Variants in EIF4E3 observed in about 807,000 individuals in gnomAD.
EIF4E3 encodes eukaryotic translation initiation factor 4E family member 3.
In EIF4E3, 26 loss-of-function variants were observed where a neutral mutation model predicts 31.7. That is an observed-to-expected ratio of 0.82 (90% CI 0.60 to 1.14). The LOEUF (loss-of-function observed/expected upper bound fraction) is 1.14, where lower values mean the gene tolerates loss of function less well. Ranked by LOEUF, EIF4E3 falls within the 50% of genes most tolerant of loss-of-function variation. The pLI is 0.00. For synonymous variants in EIF4E3, 128 were observed against 107.7 expected (o/e 1.19, Z -1.17); for missense variants, 304 against 270.9 (o/e 1.12, Z -0.86).
chr3:71,724,182 T>C (rs1230692394), intron 1 of EIF4E3, among the ~76,000 whole-genome samples: 1 of 152,170 alleles, frequency 6.6e-6, no homozygotes, highest in Non-Finnish European at 1.5e-5. Flanking sequence ...GGTGTCATCA[T>C]TGGGCACCCA....
chr3:71,722,585 T>G (rs1412506335), intron 1 of EIF4E3, among the ~76,000 whole-genome samples: 3 of 152,224 alleles, frequency 2.0e-5, no homozygotes, highest in African/African-American at 7.2e-5. Context: ...AAAATTACCT[T>G]CCTCAAATGC....
the EIF4E3 span, among the ~76,000 whole-genome samples, chr3:71,667,081 A>T: frequency 6.6e-6 from 1 of 152,244 alleles, no homozygotes; most frequent in African/African-American, 2.4e-5. Context: ...CATCCCTGGG[A>T]TGCAAGGCTG....
chr3:71,711,103 A>G (rs1178723657), intron 1 of EIF4E3, among the ~76,000 whole-genome samples: 1 of 152,216 alleles, frequency 6.6e-6, no homozygotes, highest in Non-Finnish European at 1.5e-5. Context: ...TTAGTTTGCT[A>G]TGTGTTCCAC....
At chr3:71,694,047 C>G in intron 4 of EIF4E3, 106 bp from the exon 5 acceptor site, 1 of 1,110,206 alleles carries the variant, frequency 9.0e-7, no homozygotes, top group Non-Finnish European at 1.2e-6. Context: ...TTCACATGCA[C>G]TTTCTGTGCC....
intron 2 of EIF4E3, among the ~76,000 whole-genome samples, chr3:71,705,171 T>C (rs1165523710): frequency 6.6e-6 from 1 of 152,194 alleles, no homozygotes; most frequent in Non-Finnish European, 1.5e-5. Context: ...CACCATGGGC[T>C]GTCTTGCTGT....
At chr3:71,750,288 T>A (rs781536219) in intron 1 of EIF4E3, among the ~76,000 whole-genome samples, 1 of 152,052 alleles carries the variant, frequency 6.6e-6, no homozygotes, top group Non-Finnish European at 1.5e-5. Context: ...AATGGACACA[T>A]TTGAGATTCC....
intron 6 of EIF4E3, among the ~76,000 whole-genome samples, chr3:71,684,975 C>T (rs987745941): frequency 2.0e-5 from 3 of 152,136 alleles, no homozygotes; most frequent in African/African-American, 7.2e-5. Flanking sequence ...TTTCTTCTTG[C>T]TGTGCCTGGG....
At position 71,725,398 on chromosome 3, in the gene EIF4E3, C is replaced by T. The variant is rs2108124725; in HGVS notation, c.-31G>A. 2.0e-6 allele frequency: 2 copies of T among 977,454 alleles called. No homozygotes were observed. Among genetic ancestry groups the T allele is most frequent in the Admixed American group, 6.4e-5 (1 of 15,676 alleles). 60.5% of individuals were successfully genotyped at this position (977,454 alleles called of 1,614,324 possible). On this transcript the variant is annotated 5_prime_UTR_variant, in exon 1 of 7. Transcript: ENST00000425534. The surrounding 1 kb of genome is among the most constrained non-coding windows in gnomAD (Gnocchi z 6.1). ...CCGCCCCGCCTGCAAGGCCGGCGGACGCGCGGACCGCGGGGCGAGCGCGGC... is the reference window on the plus strand; with the variant it reads ...CCGCCCCGCCTGCAAGGCCGGCGGATGCGCGGACCGCGGGGCGAGCGCGGC...
At position 71,687,158 on chromosome 3, in the gene EIF4E3, G is replaced by A. The variant is rs563167607; in HGVS notation, c.629-2430C>T. 7.2e-4 allele frequency among the ~76,000 whole-genome samples: 110 copies of A among 152,186 alleles called. 1 individual carries two copies. Among genetic ancestry groups the A allele is most frequent in the Admixed American group, 2.0e-3 (31 of 15,298 alleles). ...TGGGATTATAGGCACCTGCCACCAC[G>A]CCTGGCTAGCTTTTTATATTTTTAG... On this transcript the variant is annotated intron_variant, in intron 6 of 6. Coordinates refer to ENST00000425534, the MANE Select transcript of EIF4E3 (RefSeq NM_001134651.2).
At chr3:71,688,146 C>T (rs1408028632) in intron 6 of EIF4E3, among the ~76,000 whole-genome samples, 3 of 152,116 alleles carry the variant, frequency 2.0e-5, no homozygotes, top group South Asian at 2.1e-4. Flanking sequence ...ATGGCCCCTA[C>T]CTTTAGGTAT....
rs2048900034 is a variant in EIF4E3 at position 71,679,586 on chromosome 3, C to T, written c.*5096G>A. 1 of 152,138 alleles carries T rather than the reference C, an allele frequency of 6.6e-6. No homozygotes were observed. The highest frequency in any genetic ancestry group is 2.4e-5 in the African/African-American group (1 of 41,428). 9.4% of individuals were successfully genotyped at this position (152,138 alleles called of 1,614,324 possible). On this transcript the variant is annotated 3_prime_UTR_variant, in exon 7 of 7. Coordinates refer to ENST00000425534, the MANE Select transcript of EIF4E3 (RefSeq NM_001134651.2). ...AAGGTACACTCAAGACACACATATA[C>T]AATGGAACTCTGAATTTCAGTAGCA...
the EIF4E3 span, among the ~76,000 whole-genome samples, chr3:71,668,089 A>C: frequency 6.6e-6 from 1 of 152,186 alleles, no homozygotes. Flanking sequence ...GAGGCCTCAG[A>C]AATAACACCA....
chr3:71,726,213 C>A (rs1340966961), upstream of EIF4E3, among the ~76,000 whole-genome samples: 1 of 152,200 alleles, frequency 6.6e-6, no homozygotes, highest in Non-Finnish European at 1.5e-5. Context: ...TGGCTAACTT[C>A]AGAGAACATT....
In EIF4E3 at chr3:71,725,211, AG is replaced by A; in HGVS notation, c.156del (p.Trp53GlyfsTer21). 8.8e-7 allele frequency: 1 copy of A among 1,142,446 alleles called. No homozygotes were observed. The highest frequency in any genetic ancestry group is 1.1e-6 in the Non-Finnish European group (1 of 923,866). The allele number at this position is 1,142,446 out of a possible 1,614,324, so 70.8% of individuals were successfully genotyped here. Reference sequence around the variant, plus strand: ...CCTCACCTGTCGAGCCAGAAGGTCCAGGACGAGTGCAGCGGGACCCCGCCCG... The same window carrying A: ...CCTCACCTGTCGAGCCAGAAGGTCCAGACGAGTGCAGCGGGACCCCGCCCG... The part of the protein sequence containing the change: ...PEPGGVPLHS[S>X]WTFWLDRSLP... On this transcript the variant is annotated frameshift_variant, in exon 1 of 7. Coordinates refer to ENST00000425534, the MANE Select transcript of EIF4E3 (RefSeq NM_001134651.2). LOFTEE classifies it high-confidence loss of function. This position sits in a 1 kb window ranked among gnomAD's most constrained non-coding sequence, Gnocchi z 6.1.
chr3:71,746,441 G>A (rs572438279), intron 1 of EIF4E3, among the ~76,000 whole-genome samples: 6 of 152,276 alleles, frequency 3.9e-5, no homozygotes, highest in South Asian at 2.1e-4. Flanking sequence ...GCACGTAAAC[G>A]TTAAGGCCCA....
At chr3:71,747,108 A>G (rs776337766) in intron 1 of EIF4E3, among the ~76,000 whole-genome samples, 6 of 152,172 alleles carry the variant, frequency 3.9e-5, no homozygotes, top group Non-Finnish European at 8.8e-5. Context: ...GTGGGCTTTC[A>G]TGTGGACATG....
rs1254210814 is a variant in EIF4E3 at position 71,684,089 on chromosome 3, G to T, written c.*593C>A. Reference sequence around the variant, plus strand: ...AAATGTTTTAAAAAGGAAAATTAAAGATTTGTGTGCTGTCAGTGCAAAATC... The same window carrying T: ...AAATGTTTTAAAAAGGAAAATTAAATATTTGTGTGCTGTCAGTGCAAAATC... On this transcript the variant is annotated 3_prime_UTR_variant, in exon 7 of 7. Transcript: ENST00000425534. 6.6e-6 allele frequency: 1 copy of T among 152,520 alleles called. No homozygotes were observed. The highest frequency in any genetic ancestry group is 2.4e-5 in the African/African-American group (1 of 41,412). 9.4% of individuals were successfully genotyped at this position (152,520 alleles called of 1,614,324 possible). A position where few individuals can be genotyped will look rare whatever the true frequency, so the allele number is the denominator to read the frequency against.
intron 2 of EIF4E3, among the ~76,000 whole-genome samples, chr3:71,708,723 C>G (rs926662907): frequency 3.3e-5 from 5 of 152,196 alleles, no homozygotes; most frequent in Middle Eastern, 3.4e-3. Flanking sequence ...TGAGGACAGG[C>G]CTTCAAATCA....
At chr3:71,749,482 A>G (rs1353946271) in intron 1 of EIF4E3, among the ~76,000 whole-genome samples, 5 of 152,160 alleles carry the variant, frequency 3.3e-5, no homozygotes, top group African/African-American at 1.2e-4. Flanking sequence ...AACCTTCTCT[A>G]ACTTGGTGTT....
Sources: gnomAD v4.1 joint callset for allele counts (sites outside exome capture counted in the v4.1 genomes callset) on GRCh38, gnomAD v4.1.1 for gene constraint, Gnocchi (gnomAD v3.1) non-coding constraint, MANE v1.5 for transcripts, NCBI Gene and HGNC (gene_info 2026-07-23, HGNC 2026-07-21) for gene names.